ATP1B3: variants seen among roughly 807,000 people sequenced by gnomAD.
The protein encoded by ATP1B3 is ATPase Na+/K+ transporting subunit beta 3, also known as sodium/potassium-transporting ATPase subunit beta-3.
A neutral mutation model predicts 30.2 loss-of-function variants in ATP1B3; 10 were observed. The ratio of observed to expected loss-of-function variants is 0.33; its 90% CI spans 0.20 to 0.56. The LOEUF is 0.56. Ranked by LOEUF, ATP1B3 falls within the 20% of genes least tolerant of loss-of-function variation. ATP1B3 has a pLI of 0.90. For missense variants in ATP1B3, 238 were observed against 336.7 expected, an observed-to-expected ratio of 0.71 and a Z score of 2.29; for synonymous variants, 113 against 117.0, an observed-to-expected ratio of 0.97 and a Z score of 0.22.
chr3:141,917,899 C>T (rs1037821080), intron 5 of ATP1B3, among the ~76,000 whole-genome samples: 1 of 151,798 alleles, frequency 6.6e-6, no homozygotes, highest in African/African-American at 2.4e-5. Flanking sequence ...TCCCAAGTAA[C>T]TGGGACTACA....
chr3:141,909,838 A>C (rs1167847474), intron 3 of ATP1B3, among the ~76,000 whole-genome samples: 1 of 152,246 alleles, frequency 6.6e-6, no homozygotes, highest in Non-Finnish European at 1.5e-5. Context: ...CTTCTCTTTG[A>C]AACTAGACTA....
intron 3 of ATP1B3, among the ~76,000 whole-genome samples, chr3:141,908,567 A>G (rs1411190660): frequency 6.6e-6 from 1 of 152,202 alleles, no homozygotes; most frequent in South Asian, 2.1e-4. Flanking sequence ...GGATAAAGCC[A>G]TATAATTACT....
At chr3:141,896,467 G>A (rs1462365431) in intron 1 of ATP1B3, among the ~76,000 whole-genome samples, 3 of 152,190 alleles carry the variant, frequency 2.0e-5, no homozygotes, top group African/African-American at 7.2e-5. Context: ...GCTGCAGGGA[G>A]CTATGATTGA....
At chr3:141,893,696 G>A (rs909907534) in intron 1 of ATP1B3, among the ~76,000 whole-genome samples, 1 of 152,172 alleles carries the variant, frequency 6.6e-6, no homozygotes, top group Non-Finnish European at 1.5e-5. Context: ...TCATGTATAT[G>A]TGTGTGCATA....
At position 141,900,714 on chromosome 3, in the gene ATP1B3, G is replaced by A. The variant is rs75780155; in HGVS notation, c.110-2906G>A. Among the ~76,000 whole-genome samples the A allele has an allele frequency of 6.8e-3, 1,037 of 152,202 alleles. 11 individuals are homozygous for A. Among genetic ancestry groups the A allele is most frequent in the African/African-American group, 0.024 (979 of 41,530 alleles). ...GAGGCAGAAGAGCTGGACAGGGCCCGTTTCTCCTTCCCCTGGATGACATGG... is the reference window on the plus strand; with the variant it reads ...GAGGCAGAAGAGCTGGACAGGGCCCATTTCTCCTTCCCCTGGATGACATGG... On this transcript the variant is annotated intron_variant, in intron 1 of 6. Transcript: ENST00000286371.
At chr3:141,884,498 G>A (rs756911280) in intron 1 of ATP1B3, among the ~76,000 whole-genome samples, 1 of 152,174 alleles carries the variant, frequency 6.6e-6, no homozygotes, top group Non-Finnish European at 1.5e-5. Flanking sequence ...TGGGTTGAAG[G>A]ATAGAAAGTA....
chr3:141,902,212 T>G (rs1934177316), intron 1 of ATP1B3: 1 of 1,288,822 alleles, frequency 7.8e-7, no homozygotes, highest in South Asian at 1.2e-5. Context: ...CTCTCCATCC[T>G]TATTTTGGCC....
At chr3:141,901,758 A>G (rs897112683) in intron 1 of ATP1B3, among the ~76,000 whole-genome samples, 2 of 152,240 alleles carry the variant, frequency 1.3e-5, no homozygotes, top group Non-Finnish European at 2.9e-5. Context: ...TTTAAAATCA[A>G]AATGTTCAAA....
At chr3:141,903,382 T>G (rs1211425260) in intron 1 of ATP1B3, among the ~76,000 whole-genome samples, 1 of 152,124 alleles carries the variant, frequency 6.6e-6, no homozygotes, top group Non-Finnish European at 1.5e-5. Context: ...GGAAGCTGCT[T>G]TAACTTGGAA....
chr3:141,918,893 A>AT (rs1934516775), intron 5 of ATP1B3: 1 of 152,278 alleles, frequency 6.6e-6, no homozygotes, highest in Non-Finnish European at 1.5e-5. Flanking sequence ...TGTGAAGTAC[A>AT]TAAAATAATC....
chr3:141,888,808 C>G (rs1933882747), intron 1 of ATP1B3, among the ~76,000 whole-genome samples: 1 of 152,142 alleles, frequency 6.6e-6, no homozygotes, highest in African/African-American at 2.4e-5. Flanking sequence ...CGCACGCTGT[C>G]TTGCTTGCCG....
intron 6 of ATP1B3, among the ~76,000 whole-genome samples, chr3:141,924,852 T>C (rs4683648): frequency 0.88 from 133,115 of 152,086 alleles, 58,517 homozygotes; most frequent in African/African-American, 0.96. Context: ...ACTTGGGAGG[T>C]TGAGGCAGGA....
chr3:141,891,192 T>A (rs1201367650), intron 1 of ATP1B3, among the ~76,000 whole-genome samples: 1 of 152,240 alleles, frequency 6.6e-6, no homozygotes, highest in African/African-American at 2.4e-5. Context: ...TGTTGATCTG[T>A]ATCTTGATTC....
intron 1 of ATP1B3, among the ~76,000 whole-genome samples, chr3:141,897,022 A>G (rs1184561903): frequency 1.3e-5 from 2 of 152,044 alleles, no homozygotes; most frequent in African/African-American, 4.8e-5. Flanking sequence ...CCTTTCACCA[A>G]CCCATTCAGA....
chr3:141,910,225 GCCTCCCAA>G, intron 3 of ATP1B3, among the ~76,000 whole-genome samples: 1 of 152,098 alleles, frequency 6.6e-6, no homozygotes, highest in Non-Finnish European at 1.5e-5. Flanking sequence ...ACCTGCCTCC[GCCTCCCAA>G]AGTGCTGGGA....
chr3:141,887,074 A>G (rs4683641), intron 1 of ATP1B3, among the ~76,000 whole-genome samples: 16,386 of 152,214 alleles, frequency 0.11, 1,083 homozygotes, highest in Middle Eastern at 0.16. Context: ...AAGCCTACCT[A>G]TATAAATGCT....
chr3:141,903,408 A>G (rs755753686), intron 1 of ATP1B3, among the ~76,000 whole-genome samples: 2 of 152,064 alleles, frequency 1.3e-5, no homozygotes, highest in Admixed American at 1.3e-4. Context: ...AGGGAAAAGG[A>G]GGGGTCATGG....
rs574698551 is a variant in ATP1B3 at position 141,898,591 on chromosome 3, C to T, written c.110-5029C>T. 2.6e-5 allele frequency among the ~76,000 whole-genome samples: 4 copies of T among 152,220 alleles called. No homozygotes were observed. In the South Asian group the frequency reaches 8.3e-4, roughly 32 times the overall value. On this transcript the variant is annotated intron_variant, in intron 1 of 6. Coordinates refer to ENST00000286371, the MANE Select transcript of ATP1B3 (RefSeq NM_001679.4). ...CCACTAGGATAGCTGTATGAAAACA[C>T]AGTAAAAGAAGTGTTAATGAGGTTG...
chr3:141,924,391 C>T (rs1387979048), intron 6 of ATP1B3, among the ~76,000 whole-genome samples: 1 of 150,416 alleles, frequency 6.6e-6, no homozygotes, highest in Admixed American at 6.6e-5. Context: ...GTAATCCCAG[C>T]ACTTTGGGAG....
Sources: allele counts gnomAD v4.1 joint callset (sites outside exome capture counted in the v4.1 genomes callset), GRCh38; gene constraint gnomAD v4.1.1; transcripts MANE v1.5; gene names NCBI Gene and HGNC (gene_info 2026-07-23, HGNC 2026-07-21).